Variants in NENF observed in about 807,000 individuals in gnomAD.
NENF encodes the protein neudesin.
Under a neutral mutation model 14.8 loss-of-function variants are expected in NENF, and 6 were observed. That is an observed-to-expected ratio of 0.40 (90% CI 0.22 to 0.80). The LOEUF is 0.80. Among genes scored for constraint, NENF ranks in the 30% least tolerant of loss-of-function variants. NENF has a pLI of 0.34. For missense variants in NENF, 184 were observed against 212.7 expected, an observed-to-expected ratio of 0.87 and a Z score of 0.84; for synonymous variants, 76 against 95.1, an observed-to-expected ratio of 0.80 and a Z score of 1.17.
chr1:212,433,892 A>T lies in NENF; in HGVS notation c.177+772A>T, dbSNP rs1412344358. 6.6e-6 allele frequency among the ~76,000 whole-genome samples: 1 copy of T among 152,096 alleles called. No homozygotes were observed. Among genetic ancestry groups the T allele is most frequent in the Non-Finnish European group, 1.5e-5 (1 of 68,006 alleles). ...ATTAGATGTGGAGCGGGGGAACGGC[A>T]TTGGGGGGAGGTCATAGTACCATAG... On this transcript the variant is annotated intron_variant, in intron 1 of 3. Coordinates refer to ENST00000366988, the MANE Select transcript of NENF (RefSeq NM_013349.5). This position sits in a 1 kb window ranked among gnomAD's most constrained non-coding sequence, Gnocchi z 5.5.
intron 1 of NENF, among the ~76,000 whole-genome samples, chr1:212,438,158 A>G (rs1225330110): frequency 3.3e-5 from 5 of 152,180 alleles, no homozygotes; most frequent in Admixed American, 6.5e-5. Flanking sequence ...AATAGAGGAA[A>G]AAAAGGTAGT....
chr1:212,433,114 G>C lies in NENF; in HGVS notation c.171G>C (p.Gly57=). 5.0e-6 allele frequency: 6 copies of C among 1,194,038 alleles called. No individual in the cohort carries two copies. The highest frequency in any genetic ancestry group is 6.2e-6 in the Non-Finnish European group (6 of 962,940). The allele number at this position is 1,194,038 out of a possible 1,614,324, so 74.0% of individuals were successfully genotyped here. The change falls in exon 1 of 4, where the codon GGG becomes GGC. Residue 57 remains glycine (G), a synonymous_variant. Coordinates refer to ENST00000366988, the MANE Select transcript of NENF (RefSeq NM_013349.5). The surrounding 1 kb of genome is among the most constrained non-coding windows in gnomAD (Gnocchi z 5.5). ...FTEEELARYG[G]EEEDQPIYLA... ...AGGAGGAGCTGGCCCGCTATGGCGG[G>C]GAGGAGGTAGGCGGGGGTGTCGCGG...
intron 1 of NENF, among the ~76,000 whole-genome samples, chr1:212,442,001 T>G (rs1298741517): frequency 4.1e-4 from 63 of 152,220 alleles, no homozygotes; most frequent in Non-Finnish European, 2.9e-5. Context: ...CTCCATGAAG[T>G]TGCTTCTGTT....
chr1:212,444,346 T>C lies in NENF; in HGVS notation c.246T>C (p.Tyr82=), dbSNP rs371536685. The change falls in exon 3 of 4, where the codon TAT becomes TAC. Residue 82 remains tyrosine (Y), a synonymous_variant. Coordinates refer to ENST00000366988, the MANE Select transcript of NENF (RefSeq NM_013349.5). ...VFDVTSGKEF[Y]GRGAPYNALT... The stretch of plus-strand genomic sequence containing the variant: ...CCTTCCTTCCCACTACAGAGTTTTA[T>C]GGACGAGGAGCCCCCTACAATGCCT... The C allele has an allele frequency of 3.1e-6, 5 of 1,598,232 alleles. No homozygotes were observed. The highest frequency in any genetic ancestry group is 1.1e-5 in the South Asian group (1 of 88,942).
intron 1 of NENF, among the ~76,000 whole-genome samples, chr1:212,435,261 A>G: frequency 6.6e-6 from 1 of 152,216 alleles, no homozygotes. Flanking sequence ...AACCATTTGG[A>G]TATCTATATC....
At position 212,439,688 on chromosome 1, in the gene NENF, CAAAA is replaced by C. The variant is rs1218927992; in HGVS notation, c.178-2858_178-2855del. Among the ~76,000 whole-genome samples, 11 of 60,932 alleles carry C rather than the reference CAAAA, an allele frequency of 1.8e-4. No individual in the cohort carries two copies. The South Asian group carries it at 2.0e-3, about 11-fold the overall frequency. The allele number at this position is 60,932 out of a possible 152,430, so 40.0% of individuals were successfully genotyped here. A position where few individuals can be genotyped will look rare whatever the true frequency, so the allele number is the denominator to read the frequency against. On this transcript the variant is annotated intron_variant, in intron 1 of 3. Transcript: ENST00000366988. ...GTGAAACCTGTCTCTACTAAATATA[CAAAA>C]AAAAAAAAAAAAAAAAAATTGGCCA... is the stretch of plus-strand genomic sequence containing the variant.
chr1:212,432,981 T>A lies in NENF; in HGVS notation c.38T>A (p.Leu13Gln). The change falls in exon 1 of 4, where the codon CTG becomes CAG. Residue 13 changes from leucine to glutamine, a missense_variant. Physicochemically the swap from Leu to Gln is moderately radical, Grantham distance 113 (BLOSUM62 -2). Transcript: ENST00000366988. ...GCGCCGCGGCGGCGGCTGCGGCCGC[T>A]GGCAGCGCTGGCCCTGGTCCTGGCG... ...GPAPRRRLRP[L>Q]AALALVLALA... 1.8e-6 allele frequency: 2 copies of A among 1,090,900 alleles called. No individual in the cohort carries two copies. Among genetic ancestry groups the A allele is most frequent in the Non-Finnish European group, 2.3e-6 (2 of 886,112 alleles). 67.6% of individuals were successfully genotyped at this position (1,090,900 alleles called of 1,614,324 possible).
intron 3 of NENF, 116 bp from the exon 4 acceptor site, chr1:212,445,714 A>G (rs1662768192): frequency 1.8e-5 from 14 of 763,430 alleles, no homozygotes; most frequent in Non-Finnish European, 5.7e-6. Context: ...GTTTGTTGAG[A>G]TATCTTTTCT....
In NENF at chr1:212,445,869, G is replaced by T; in HGVS notation, c.382G>T (p.Val128Phe). ...CAAGGAACTGGAGGCCCTGGATGAGGTCTTCACCAAAGTGTACAAAGCCAA... is the reference window on the plus strand; with the variant it reads ...CAAGGAACTGGAGGCCCTGGATGAGTTCTTCACCAAAGTGTACAAAGCCAA... ...TAKELEALDE[V>F]FTKVYKAKYP... Residue 128 changes from valine to phenylalanine, a missense_variant, in exon 4 of 4, where the codon GTC becomes TTC. Val to Phe is a conservative substitution (Grantham distance 50). Coordinates refer to ENST00000366988, the MANE Select transcript of NENF (RefSeq NM_013349.5). 2 of 1,614,164 alleles carry T rather than the reference G, an allele frequency of 1.2e-6. No individual in the cohort carries two copies. The highest frequency in any genetic ancestry group is 2.2e-5 in the South Asian group (2 of 91,088).
At chr1:212,442,734 A>G (rs1450840939) in intron 2 of NENF, 109 bp downstream of exon 2, 2 of 768,708 alleles carry the variant, frequency 2.6e-6, no homozygotes, top group African/African-American at 3.6e-5. Flanking sequence ...AGTCCTTTTC[A>G]TTCCATTTTA....
chr1:212,442,425 AAGGACC>A (rs1157389432), intron 1 of NENF, 134 bp from the exon 2 acceptor site: 2 of 678,274 alleles, frequency 2.9e-6, no homozygotes, highest in African/African-American at 3.6e-5. Flanking sequence ...CAAGCTCGCC[AAGGACC>A]AGGCTTAACA....
chr1:212,441,752 C>T (rs1662702201), intron 1 of NENF, among the ~76,000 whole-genome samples: 1 of 151,742 alleles, frequency 6.6e-6, no homozygotes, highest in Non-Finnish European at 1.5e-5. Context: ...CGCCATTGCA[C>T]TCCAGCCTGG....
rs1030686936 is a variant in NENF, at chr1:212,433,839, G to A, written c.177+719G>A. Among the ~76,000 whole-genome samples the A allele has an allele frequency of 6.6e-6, 1 of 152,050 alleles. No individual in the cohort carries two copies. Among genetic ancestry groups the A allele is most frequent in the African/African-American group, 2.4e-5 (1 of 41,402 alleles). On this transcript the variant is annotated intron_variant, in intron 1 of 3. Coordinates refer to ENST00000366988, the MANE Select transcript of NENF (RefSeq NM_013349.5). This position sits in a 1 kb window ranked among gnomAD's most constrained non-coding sequence, Gnocchi z 5.5. ...ACCTGGGTTGGTTGGGACTGGAGCC[G>A]CACGACAAGGACCAACAGGGGGCTG...
Position 212,442,553 on chromosome 1 carries a change from CCTGCTTT to C in NENF, c.178-9_178-3del. ...TTCCCTTCCTCTTCACAGCTTCTCC[CCTGCTTT>C]CTAGGAAGATCAGCCCATCTACTTG... On this transcript the variant is annotated splice_region_variant and splice_polypyrimidine_tract_variant and intron_variant, in intron 1 of 3. Transcript: ENST00000366988. 6.2e-7 allele frequency: 1 copy of C among 1,610,646 alleles called. No individual in the cohort carries two copies. Among genetic ancestry groups the C allele is most frequent in the African/African-American group, 1.3e-5 (1 of 74,966 alleles).
chr1:212,439,688 C>CAAGAAA (rs1662670110), intron 1 of NENF, among the ~76,000 whole-genome samples: 1 of 60,932 alleles, frequency 1.6e-5, no homozygotes, highest in Non-Finnish European at 3.1e-5. Context: ...ACTAAATATA[C>CAAGAAA]AAAAAAAAAA....
At chr1:212,444,718 C>T (rs978001836) in intron 3 of NENF, among the ~76,000 whole-genome samples, 1 of 152,054 alleles carries the variant, frequency 6.6e-6, no homozygotes, top group African/African-American at 2.4e-5. Context: ...GAGTCAAGTC[C>T]AAACTCTTAT....
At position 212,437,027 on chromosome 1, in the gene NENF, T is replaced by C. The variant is rs376182549; in HGVS notation, c.177+3907T>C. On this transcript the variant is annotated intron_variant, in intron 1 of 3. Transcript: ENST00000366988. ...GCACAGGCTTAGCGTAGGCCTGGAA[T>C]AGGGCTTAGCACCGTAAGTCTTAAT... 3.9e-5 allele frequency among the ~76,000 whole-genome samples: 6 copies of C among 152,208 alleles called. No individual in the cohort carries two copies. In the South Asian group the frequency reaches 8.3e-4, roughly 21 times the overall value.
In NENF at chr1:212,442,689, T is replaced by C. The variant is rs1040128133; in HGVS notation, c.238+64T>C. On this transcript the variant is annotated intron_variant, in intron 2 of 3. Coordinates refer to ENST00000366988, the MANE Select transcript of NENF (RefSeq NM_013349.5). ...GCACAGAAGCCAGAGTGAGCAGCAC[T>C]TGGAGGTGTGAGGAAAGGGAGGGAA... 20 of 1,195,116 alleles carry C rather than the reference T, an allele frequency of 1.7e-5. No individual in the cohort carries two copies. In the Admixed American group the frequency reaches 1.9e-4, roughly 11 times the overall value. The allele number at this position is 1,195,116 out of a possible 1,614,324, so 74.0% of individuals were successfully genotyped here.
At chr1:212,444,646 G>A (rs1322173294) in intron 3 of NENF, among the ~76,000 whole-genome samples, 1 of 150,290 alleles carries the variant, frequency 6.7e-6, no homozygotes, top group Non-Finnish European at 1.5e-5. Flanking sequence ...GCATTTTCTT[G>A]AAATAGATTA....
Sources: allele counts gnomAD v4.1 joint callset (sites outside exome capture counted in the v4.1 genomes callset), GRCh38; gene constraint gnomAD v4.1.1; non-coding constraint Gnocchi (gnomAD v3.1); transcripts MANE v1.5; gene names NCBI Gene and HGNC (gene_info 2026-07-23, HGNC 2026-07-21).